Variants in USP15 observed in about 807,000 individuals in gnomAD.
USP15 encodes ubiquitin specific peptidase 15.
Under a neutral mutation model 127.1 loss-of-function variants are expected in USP15, and 18 were observed. The observed-to-expected ratio is 0.14, with a 90% confidence interval of 0.10 to 0.21. The LOEUF (loss-of-function observed/expected upper bound fraction) is 0.21, where lower values mean the gene tolerates loss of function less well. USP15 is among the 10% of genes least tolerant of loss of function. USP15 has a pLI of 1.00. For missense variants in USP15, 805 were observed against 1,159.9 expected (o/e 0.69, Z 4.44); for synonymous variants, 364 against 393.7 (o/e 0.92, Z 0.89).
rs1306465318 is a variant in USP15 at position 62,337,368 on chromosome 12, G to A, written c.683+11435G>A. Among the ~76,000 whole-genome samples the A allele has an allele frequency of 4.6e-5, 7 of 152,144 alleles. No individual in the cohort carries two copies. In the East Asian group the frequency reaches 5.8e-4, roughly 13 times the overall value. Reference sequence around the variant, plus strand: ...GGATTTACAGTTCCACATGGCTAGCGAGGCCTCACAATCATGGTGGAAGGC... The same window carrying A: ...GGATTTACAGTTCCACATGGCTAGCAAGGCCTCACAATCATGGTGGAAGGC... On this transcript the variant is annotated intron_variant, in intron 6 of 21. Coordinates refer to ENST00000280377, the MANE Select transcript of USP15 (RefSeq NM_001252078.2).
intron 3 of USP15, among the ~76,000 whole-genome samples, chr12:62,312,796 A>G (rs1338997816): frequency 6.6e-6 from 1 of 151,716 alleles, no homozygotes; most frequent in Non-Finnish European, 1.5e-5. Flanking sequence ...CTTCATGACC[A>G]TCATTTTCAA....
intron 6 of USP15, among the ~76,000 whole-genome samples, chr12:62,340,528 G>C (rs868761656): frequency 2.6e-5 from 4 of 152,112 alleles, no homozygotes; most frequent in Admixed American, 6.5e-5. Context: ...GGCATTTAGT[G>C]CTATAAATTT....
chr12:62,278,696 A>C (rs1248465703), intron 1 of USP15: 2 of 152,196 alleles, frequency 1.3e-5, no homozygotes, highest in African/African-American at 4.8e-5. Context: ...TGCTAAACTC[A>C]TTAGAAATTG....
At chr12:62,347,159 G>C (rs1342375849) in intron 6 of USP15, among the ~76,000 whole-genome samples, 1 of 151,964 alleles carries the variant, frequency 6.6e-6, no homozygotes, top group Non-Finnish European at 1.5e-5. Context: ...ATAAATGTTT[G>C]AGTGTTTAAA....
chr12:62,308,389 G>A (rs1003361556), intron 3 of USP15, among the ~76,000 whole-genome samples: 3 of 151,988 alleles, frequency 2.0e-5, no homozygotes, highest in Non-Finnish European at 4.4e-5. Context: ...CACATTGTAC[G>A]ACAGTTGGTC....
At chr12:62,347,855 G>A (rs543933659) in intron 6 of USP15, among the ~76,000 whole-genome samples, 43 of 152,140 alleles carry the variant, frequency 2.8e-4, no homozygotes, top group African/African-American at 7.7e-4. Context: ...AAACAACCTC[G>A]TTGAAAAGAA....
chr12:62,275,926 A>T (rs2063478773), intron 1 of USP15, among the ~76,000 whole-genome samples: 1 of 152,058 alleles, frequency 6.6e-6, no homozygotes, highest in South Asian at 2.1e-4. Context: ...GAGGATATAG[A>T]AGGGTATGCT....
chr12:62,276,031 A>T (rs10877819), intron 1 of USP15, among the ~76,000 whole-genome samples: 68,106 of 151,852 alleles, frequency 0.45, 16,205 homozygotes, highest in African/African-American at 0.59. Flanking sequence ...TTTAGTAACT[A>T]TGAACCCAGA....
At chr12:62,302,042 T>C (rs1411630661) in intron 2 of USP15, among the ~76,000 whole-genome samples, 1 of 152,208 alleles carries the variant, frequency 6.6e-6, no homozygotes. Context: ...TTAGTCTAGC[T>C]AGAAATTTGA....
chr12:62,407,017 A>G lies in USP15; in HGVS notation c.*2642A>G, dbSNP rs900839476. On this transcript the variant is annotated 3_prime_UTR_variant, in exon 22 of 22. Coordinates refer to ENST00000280377, the MANE Select transcript of USP15 (RefSeq NM_001252078.2). ...TACAGGGTAATGGGAATATATCTAG[A>G]CTAGAATTTCTACTTCTAGCTTTGC... 1 of 152,128 alleles carries G rather than the reference A, an allele frequency of 6.6e-6. No individual in the cohort carries two copies. Among genetic ancestry groups the G allele is most frequent in the Non-Finnish European group, 1.5e-5 (1 of 68,022 alleles). The allele number at this position is 152,128 out of a possible 1,614,324, so 9.4% of individuals were successfully genotyped here. A position where few individuals can be genotyped will look rare whatever the true frequency, so the allele number is the denominator to read the frequency against.
intron 1 of USP15, among the ~76,000 whole-genome samples, chr12:62,281,784 A>G (rs2063657185): frequency 6.6e-6 from 1 of 152,226 alleles, no homozygotes; most frequent in Non-Finnish European, 1.5e-5. Context: ...TCCTATCATA[A>G]TAGTATCATT....
At chr12:62,369,383 T>G (rs961148803) in intron 8 of USP15, among the ~76,000 whole-genome samples, 1 of 151,910 alleles carries the variant, frequency 6.6e-6, no homozygotes, top group Non-Finnish European at 1.5e-5. Flanking sequence ...AATTCCCGTA[T>G]CAGAAATCCG....
At chr12:62,339,814 A>G (rs925010365) in intron 6 of USP15, among the ~76,000 whole-genome samples, 2 of 152,174 alleles carry the variant, frequency 1.3e-5, no homozygotes, top group Non-Finnish European at 1.5e-5. Context: ...TTTTTGCATC[A>G]ATGTGCATCA....
At chr12:62,340,773 C>T (rs1200472440) in intron 6 of USP15, among the ~76,000 whole-genome samples, 2 of 152,156 alleles carry the variant, frequency 1.3e-5, no homozygotes, top group Non-Finnish European at 2.9e-5. Flanking sequence ...TTTGCATTTG[C>T]TGAGGAGTGT....
intron 3 of USP15, among the ~76,000 whole-genome samples, chr12:62,304,499 G>A (rs1433273699): frequency 6.6e-6 from 1 of 152,096 alleles, no homozygotes; most frequent in Non-Finnish European, 1.5e-5. Flanking sequence ...TGATGCAGGT[G>A]GAACTCAAAG....
intron 3 of USP15, among the ~76,000 whole-genome samples, chr12:62,314,491 A>C (rs2064774914): frequency 6.6e-6 from 1 of 151,848 alleles, no homozygotes; most frequent in African/African-American, 2.4e-5. Flanking sequence ...CTGAATATTA[A>C]TTATTTATGG....
intron 1 of USP15, among the ~76,000 whole-genome samples, chr12:62,271,597 C>G (rs1428186439): frequency 6.6e-6 from 1 of 151,830 alleles, no homozygotes; most frequent in East Asian, 1.9e-4. Context: ...AAACCTAATT[C>G]TCCCGGTGTA....
Position 62,404,475 on chromosome 12 carries a change from G to C in USP15, c.*100G>C, listed in dbSNP as rs1390115669. 7.2e-7 allele frequency: 1 copy of C among 1,393,466 alleles called. No homozygotes were observed. Among genetic ancestry groups the C allele is most frequent in the African/African-American group, 1.5e-5 (1 of 68,116 alleles). 86.3% of individuals were successfully genotyped at this position (1,393,466 alleles called of 1,614,324 possible). ...CATTAAAACAAAAGTCTGAGATGGGGAGTTTCAGATAACCGAATGTAAATC... is the reference window on the plus strand; with the variant it reads ...CATTAAAACAAAAGTCTGAGATGGGCAGTTTCAGATAACCGAATGTAAATC... On this transcript the variant is annotated 3_prime_UTR_variant, in exon 22 of 22. Coordinates refer to ENST00000280377, the MANE Select transcript of USP15 (RefSeq NM_001252078.2).
At chr12:62,330,788 T>C (rs1457883047) in intron 6 of USP15, among the ~76,000 whole-genome samples, 1 of 150,584 alleles carries the variant, frequency 6.6e-6, no homozygotes, top group East Asian at 1.9e-4. Flanking sequence ...TAGCCAGTTA[T>C]GGTGGCATGC....
Sources: gnomAD v4.1 joint callset for allele counts (sites outside exome capture counted in the v4.1 genomes callset) on GRCh38, gnomAD v4.1.1 for gene constraint, MANE v1.5 for transcripts, NCBI Gene and HGNC (gene_info 2026-07-23, HGNC 2026-07-21) for gene names.